Variants in NECAB1 observed in about 807,000 individuals in gnomAD.
The protein encoded by NECAB1 is N-terminal EF-hand calcium-binding protein 1.
In NECAB1, 29 loss-of-function variants were observed where a neutral mutation model predicts 57.5. That is an observed-to-expected ratio of 0.50 (90% CI 0.38 to 0.69). The LOEUF is 0.69. Among genes scored for constraint, NECAB1 ranks in the 30% least tolerant of loss-of-function variants. The probability of loss-of-function intolerance (pLI) is 0.00; values close to 1 mark genes in which losing one functional copy is unlikely to be tolerated. For synonymous variants in NECAB1, 142 were observed against 147.7 expected (o/e 0.96, Z 0.28); for missense variants, 372 against 413.8 (o/e 0.90, Z 0.88).
At chr8:90,796,015 C>T (rs1811655748) in intron 1 of NECAB1, among the ~76,000 whole-genome samples, 1 of 152,174 alleles carries the variant, frequency 6.6e-6, no homozygotes. Context: ...TTTAAAAATA[C>T]ACTTAGTCTT....
intron 5 of NECAB1, among the ~76,000 whole-genome samples, chr8:90,893,002 C>T (rs1235197561): frequency 6.6e-6 from 1 of 152,172 alleles, no homozygotes; most frequent in Non-Finnish European, 1.5e-5. Flanking sequence ...CTATGCTCAG[C>T]CATTTGCACT....
At chr8:90,917,383 C>G (rs1281998166) in intron 5 of NECAB1, 109 bp from the exon 6 acceptor site, 1 of 925,610 alleles carries the variant, frequency 1.1e-6, no homozygotes, top group African/African-American at 1.7e-5. Flanking sequence ...TCCACCCTCT[C>G]TCTCTAGGAT....
At chr8:90,884,906 C>T (rs926812435) in intron 5 of NECAB1, among the ~76,000 whole-genome samples, 1 of 152,092 alleles carries the variant, frequency 6.6e-6, no homozygotes, top group Non-Finnish European at 1.5e-5. Flanking sequence ...CAACCCTGGC[C>T]AGACTTCTGC....
chr8:90,823,228 T>A (rs1180067277), intron 2 of NECAB1, among the ~76,000 whole-genome samples: 1 of 151,852 alleles, frequency 6.6e-6, no homozygotes, highest in Non-Finnish European at 1.5e-5. Flanking sequence ...TTGATTCAGA[T>A]CTGGATTTAT....
At chr8:90,902,385 G>A (rs1809526867) in intron 5 of NECAB1, among the ~76,000 whole-genome samples, 1 of 152,158 alleles carries the variant, frequency 6.6e-6, no homozygotes, top group African/African-American at 2.4e-5. Context: ...CACTGCCACT[G>A]CACTCCAGCC....
At chr8:90,801,202 A>G (rs906671939) in intron 1 of NECAB1, among the ~76,000 whole-genome samples, 5 of 152,144 alleles carry the variant, frequency 3.3e-5, no homozygotes, top group Non-Finnish European at 7.4e-5. Flanking sequence ...CATTCAAGAT[A>G]ATAACTATCT....
intron 10 of NECAB1, among the ~76,000 whole-genome samples, chr8:90,942,847 AC>A (rs1810707412): frequency 6.6e-6 from 1 of 152,148 alleles, no homozygotes; most frequent in Non-Finnish European, 1.5e-5. Context: ...GCGCTACTGC[AC>A]CCCAGCCTGG....
At chr8:90,819,338 C>T (rs1563496064) in intron 2 of NECAB1, among the ~76,000 whole-genome samples, 2 of 151,798 alleles carry the variant, frequency 1.3e-5, no homozygotes. Flanking sequence ...TGTGCTTTTC[C>T]TTGCATTTTA....
At chr8:90,878,174 C>CT (rs1448981804) in intron 4 of NECAB1, among the ~76,000 whole-genome samples, 1 of 151,982 alleles carries the variant, frequency 6.6e-6, no homozygotes, top group Non-Finnish European at 1.5e-5. Flanking sequence ...TGGATTGCAC[C>CT]TTGTATCTGG....
chr8:90,835,796 A>G (rs1270521334), intron 3 of NECAB1, among the ~76,000 whole-genome samples: 1 of 152,192 alleles, frequency 6.6e-6, no homozygotes, highest in Non-Finnish European at 1.5e-5. Context: ...GCTGTAATAC[A>G]TTCAATAAGT....
chr8:90,904,566 G>C (rs199560762), intron 5 of NECAB1, among the ~76,000 whole-genome samples: 1 of 152,006 alleles, frequency 6.6e-6, no homozygotes, highest in East Asian at 1.9e-4. Flanking sequence ...ATACCACAGA[G>C]AATGTGACTT....
At chr8:90,877,240 A>G (rs989766776) in intron 4 of NECAB1, among the ~76,000 whole-genome samples, 1 of 152,186 alleles carries the variant, frequency 6.6e-6, no homozygotes, top group Non-Finnish European at 1.5e-5. Flanking sequence ...GGCATGGCTC[A>G]TAGTCCTAGT....
intron 3 of NECAB1, among the ~76,000 whole-genome samples, chr8:90,868,955 C>A (rs1026716152): frequency 3.9e-5 from 6 of 152,370 alleles, no homozygotes; most frequent in African/African-American, 1.4e-4. Context: ...AAAATCATTT[C>A]ATGGACAAGG....
intron 5 of NECAB1, among the ~76,000 whole-genome samples, chr8:90,916,644 A>G (rs1311083794): frequency 5.9e-5 from 9 of 152,186 alleles, no homozygotes; most frequent in Admixed American, 3.3e-4. Context: ...TGGTCCCATG[A>G]TCTGAAAGAG....
At chr8:90,879,257 C>T (rs1427576122) in intron 4 of NECAB1, among the ~76,000 whole-genome samples, 12 of 147,710 alleles carry the variant, frequency 8.1e-5, no homozygotes, top group African/African-American at 2.3e-4. Flanking sequence ...GGCACTATCA[C>T]GGCTCACTGC....
chr8:90,950,019 G>T, intron 11 of NECAB1, 135 bp downstream of exon 11: 1 of 538,352 alleles, frequency 1.9e-6, no homozygotes. Flanking sequence ...CCATTACCAT[G>T]AATTCTACAC....
At chr8:90,831,935 C>G (rs1812304156) in intron 3 of NECAB1, among the ~76,000 whole-genome samples, 1 of 152,022 alleles carries the variant, frequency 6.6e-6, no homozygotes, top group Non-Finnish European at 1.5e-5. Context: ...TTGATTATAT[C>G]CTATACAGGT....
intron 9 of NECAB1, among the ~76,000 whole-genome samples, chr8:90,939,267 C>A (rs1448832351): frequency 2.0e-5 from 3 of 152,176 alleles, no homozygotes; most frequent in Non-Finnish European, 4.4e-5. Flanking sequence ...CTCAGAGATC[C>A]AAGAGAAAGA....
intron 3 of NECAB1, among the ~76,000 whole-genome samples, chr8:90,858,174 GT>G (rs1286769132): frequency 1.3e-5 from 2 of 152,104 alleles, no homozygotes; most frequent in Non-Finnish European, 2.9e-5. Context: ...CTACTGCTCT[GT>G]AGCAATAATT....
Sources: gnomAD v4.1 joint callset for allele counts (sites outside exome capture counted in the v4.1 genomes callset) on GRCh38, gnomAD v4.1.1 for gene constraint, MANE v1.5 for transcripts, NCBI Gene and HGNC (gene_info 2026-07-23, HGNC 2026-07-21) for gene names.